The following CRACD variants were observed in gnomAD, a reference collection of about 807,000 sequenced individuals.
The protein encoded by CRACD is capping protein-inhibiting regulator of actin dynamics.
Under a neutral mutation model 106.8 loss-of-function variants are expected in CRACD, and 56 were observed. That is an observed-to-expected ratio of 0.52 (90% CI 0.42 to 0.66). The LOEUF (loss-of-function observed/expected upper bound fraction) is 0.66, where lower values mean the gene tolerates loss of function less well. Among genes scored for constraint, CRACD ranks in the 30% least tolerant of loss-of-function variants. The probability of loss-of-function intolerance (pLI) is 0.00; values close to 1 mark genes in which losing one functional copy is unlikely to be tolerated. For missense variants in CRACD, 1,730 were observed against 1,623.2 expected (o/e 1.07, Z -1.13); for synonymous variants, 754 against 670.8 (o/e 1.12, Z -1.92).
chr4:56,235,628 A>G (rs1739922799), intron 2 of CRACD, among the ~76,000 whole-genome samples: 1 of 152,216 alleles, frequency 6.6e-6, no homozygotes, highest in Admixed American at 6.5e-5. Context: ...TCAGAGTAGA[A>G]AGTATGATCA....
At chr4:56,229,349 T>C (rs1007251776) in intron 2 of CRACD, among the ~76,000 whole-genome samples, 1 of 152,190 alleles carries the variant, frequency 6.6e-6, no homozygotes, top group Non-Finnish European at 1.5e-5. Flanking sequence ...GACACCATGT[T>C]TGTCCCTTCT....
At chr4:56,159,247 G>A (rs1410041503) in intron 1 of CRACD, among the ~76,000 whole-genome samples, 1 of 152,092 alleles carries the variant, frequency 6.6e-6, no homozygotes, top group Non-Finnish European at 1.5e-5. Context: ...CTCTTTTATC[G>A]ATTGATAAAT....
intron 1 of CRACD, among the ~76,000 whole-genome samples, chr4:56,174,124 A>G (rs923276066): frequency 6.6e-6 from 1 of 152,156 alleles, no homozygotes; most frequent in Non-Finnish European, 1.5e-5. Flanking sequence ...TGGCAACACC[A>G]TTTTTTTAAA....
At chr4:56,252,430 A>G (rs1490051282) in intron 2 of CRACD, among the ~76,000 whole-genome samples, 1 of 152,202 alleles carries the variant, frequency 6.6e-6, no homozygotes, top group Non-Finnish European at 1.5e-5. Flanking sequence ...GAAAAGCAGC[A>G]TACTCTCCTC....
At chr4:56,216,293 T>G (rs1738673456) in intron 2 of CRACD, 1 of 152,202 alleles carries the variant, frequency 6.6e-6, no homozygotes, top group Admixed American at 6.5e-5. Context: ...GTGGAGTGGG[T>G]TTTTTGTTCT....
At chr4:56,307,784 G>A (rs1744835117) in intron 5 of CRACD, 85 bp downstream of exon 5, 2 of 1,348,794 alleles carry the variant, frequency 1.5e-6, no homozygotes, top group South Asian at 1.3e-5. Flanking sequence ...TCTGCAGCAG[G>A]GGAATTAGAG....
intron 1 of CRACD, among the ~76,000 whole-genome samples, chr4:56,075,092 T>A (rs13109223): frequency 0.36 from 54,134 of 151,974 alleles, 10,178 homozygotes; most frequent in African/African-American, 0.48. Context: ...GTTTGCCAGT[T>A]TTTTATTGAG....
chr4:56,324,003 G>T, intron 9 of CRACD, 101 bp from the exon 10 acceptor site: 1 of 1,312,616 alleles, frequency 7.6e-7, no homozygotes, highest in Non-Finnish European at 1.1e-6. Context: ...TGGAAGCAGA[G>T]GTCAGGGGCT....
intron 2 of CRACD, among the ~76,000 whole-genome samples, chr4:56,229,329 G>A (rs998792947): frequency 7.2e-5 from 11 of 152,080 alleles, no homozygotes; most frequent in African/African-American, 2.2e-4. Flanking sequence ...CATCTCTTCC[G>A]CTCTTCGAGG....
At chr4:56,212,081 T>C (rs1738439135) in intron 2 of CRACD, among the ~76,000 whole-genome samples, 1 of 152,152 alleles carries the variant, frequency 6.6e-6, no homozygotes, top group Admixed American at 6.5e-5. Context: ...AAGACCCTGC[T>C]GATGAAATGG....
chr4:56,073,695 C>T (rs1577945693), intron 1 of CRACD, among the ~76,000 whole-genome samples: 1 of 152,146 alleles, frequency 6.6e-6, no homozygotes, highest in Non-Finnish European at 1.5e-5. Context: ...TGTACAGAAG[C>T]TCTTTAGTTG....
chr4:56,211,934 C>T (rs1283633877), intron 2 of CRACD, among the ~76,000 whole-genome samples: 1 of 152,172 alleles, frequency 6.6e-6, no homozygotes, highest in Non-Finnish European at 1.5e-5. Flanking sequence ...TGGGGTTTCA[C>T]TGGGGACCTG....
At chr4:56,122,563 C>T (rs538223192) in intron 1 of CRACD, among the ~76,000 whole-genome samples, 30 of 152,234 alleles carry the variant, frequency 2.0e-4, no homozygotes, top group African/African-American at 6.5e-4. Flanking sequence ...GATAAACATG[C>T]ATTATGCACT....
intron 1 of CRACD, among the ~76,000 whole-genome samples, chr4:56,057,040 G>T (rs1732098044): frequency 6.6e-6 from 1 of 152,208 alleles, no homozygotes; most frequent in Admixed American, 6.5e-5. Flanking sequence ...ATGTTGGATT[G>T]AATAAAATAT....
At chr4:56,238,533 T>C (rs1740131986) in intron 2 of CRACD, among the ~76,000 whole-genome samples, 1 of 152,186 alleles carries the variant, frequency 6.6e-6, no homozygotes, top group African/African-American at 2.4e-5. Flanking sequence ...GACTCCCACC[T>C]GTCAATGGAA....
Position 56,316,669 on chromosome 4 carries a change from C to T in CRACD, c.3167C>T (p.Thr1056Ile). 6.2e-7 allele frequency: 1 copy of T among 1,609,486 alleles called. No homozygotes were observed. The highest frequency in any genetic ancestry group is 8.5e-7 in the Non-Finnish European group (1 of 1,177,140). The change falls in exon 8 of 11, where the codon ACA (threonine) becomes ATA (isoleucine). Residue 1056 changes from threonine (T) to isoleucine (I), a missense_variant. Physicochemically the swap from Thr to Ile is moderately conservative, Grantham distance 89. This residue lies in a region of CRACD where 1,620 missense variants were observed against 1,481.6 expected (regional missense o/e 1.09). Transcript: ENST00000682029. Reference protein sequence around the residue: ...PATQQEKPSQTPEAGRKEKPM... With the variant: ...PATQQEKPSQIPEAGRKEKPM... Reference sequence around the variant, plus strand: ...ACTCAGCAAGAGAAACCTTCTCAAACACCCGAGGCCGGGAGGAAAGGTAGG... The same window carrying T: ...ACTCAGCAAGAGAAACCTTCTCAAATACCCGAGGCCGGGAGGAAAGGTAGG...
intron 2 of CRACD, among the ~76,000 whole-genome samples, chr4:56,228,912 C>T (rs1436387095): frequency 2.0e-5 from 3 of 152,138 alleles, no homozygotes; most frequent in Non-Finnish European, 4.4e-5. Context: ...ACCTTGGAGT[C>T]ATCATATAAA....
chr4:56,109,958 G>A (rs1017770690), intron 1 of CRACD, among the ~76,000 whole-genome samples: 9 of 152,046 alleles, frequency 5.9e-5, no homozygotes, highest in African/African-American at 2.2e-4. Flanking sequence ...AAACTGCAAG[G>A]ACATGCATTT....
intron 4 of CRACD, among the ~76,000 whole-genome samples, chr4:56,300,780 G>T (rs1351194549): frequency 6.6e-6 from 1 of 152,174 alleles, no homozygotes; most frequent in Non-Finnish European, 1.5e-5. Flanking sequence ...CCAAGAAGTG[G>T]ATTTAGTGTT....
Sources: allele counts gnomAD v4.1 joint callset (sites outside exome capture counted in the v4.1 genomes callset), GRCh38; gene constraint gnomAD v4.1.1; regional missense constraint gnomAD v4.1.1; transcripts MANE v1.5; gene names NCBI Gene and HGNC (gene_info 2026-07-23, HGNC 2026-07-21).